Variants in CTNNAL1 observed in about 807,000 individuals in gnomAD.
CTNNAL1 encodes catenin alpha like 1, also known as alpha-catulin.
Under a neutral mutation model 93.6 loss-of-function variants are expected in CTNNAL1, and 69 were observed. The observed-to-expected ratio is 0.74, with a 90% CI of 0.61 to 0.90. The LOEUF (loss-of-function observed/expected upper bound fraction) is 0.90. Ranked by LOEUF, CTNNAL1 falls within the 40% of genes least tolerant of loss-of-function variation. The pLI, the probability that CTNNAL1 is intolerant of heterozygous loss-of-function variation, is 0.00. For missense variants in CTNNAL1, 836 were observed against 862.0 expected (o/e 0.97, Z 0.38); for synonymous variants, 286 against 305.4 (o/e 0.94, Z 0.66).
intron 14 of CTNNAL1, among the ~76,000 whole-genome samples, chr9:108,951,237 G>A (rs756300521): frequency 2.0e-5 from 3 of 148,810 alleles, no homozygotes; most frequent in Non-Finnish European, 4.4e-5. Flanking sequence ...GGATGGTCTC[G>A]ATCTCCTGAC....
intron 2 of CTNNAL1, 90 bp from the exon 3 acceptor site, chr9:108,992,909 G>A: frequency 7.3e-7 from 1 of 1,361,170 alleles, no homozygotes; most frequent in Non-Finnish European, 9.8e-7. Flanking sequence ...GCACAATGAG[G>A]AGAAACTCAG....
intron 6 of CTNNAL1, among the ~76,000 whole-genome samples, chr9:108,982,486 TCA>T (rs1342265689): frequency 6.6e-6 from 1 of 152,152 alleles, no homozygotes; most frequent in Non-Finnish European, 1.5e-5. Flanking sequence ...GATTTGCTGC[TCA>T]CCATCATCCT....
In CTNNAL1 at chr9:108,965,520, A is replaced by C. The variant is rs1365671243; in HGVS notation, c.1449T>G (p.Ser483=). 5 of 1,558,140 alleles carry C rather than the reference A, an allele frequency of 3.2e-6. No individual in the cohort carries two copies. The African/African-American group carries it at 6.9e-5, about 21-fold the overall frequency. The change falls in exon 11 of 19, where the codon TCT becomes TCG. Residue 483 remains serine, a synonymous_variant. Transcript: ENST00000325551. ...GATGCAATGTCAATGTTTCAGCAGC[A>C]GAAATTATCTAAAGAAACACAATAT... ...TFQVTGQQII[S]AAETLTLHPS...
chr9:109,009,987 T>A (rs1383875400), intron 1 of CTNNAL1, among the ~76,000 whole-genome samples: 1 of 152,166 alleles, frequency 6.6e-6, no homozygotes, highest in Admixed American at 6.5e-5. Context: ...GCTGTTACTG[T>A]TAATATAACT....
At chr9:108,989,555 C>A (rs1831722353) in intron 4 of CTNNAL1, among the ~76,000 whole-genome samples, 1 of 152,118 alleles carries the variant, frequency 6.6e-6, no homozygotes, top group Middle Eastern at 3.2e-3. Flanking sequence ...AAGTTCATAT[C>A]AAAAACTGAG....
intron 11 of CTNNAL1, among the ~76,000 whole-genome samples, chr9:108,958,283 G>A (rs974296767): frequency 6.6e-6 from 1 of 151,886 alleles, no homozygotes; most frequent in Non-Finnish European, 1.5e-5. Flanking sequence ...CAACTGTTTC[G>A]GTATCTCTTA....
intron 3 of CTNNAL1, 120 bp from the exon 4 acceptor site, chr9:108,990,965 G>A (rs1587978796): frequency 6.1e-6 from 7 of 1,152,996 alleles, no homozygotes; most frequent in African/African-American, 3.1e-5. Context: ...TGAGGAGGAG[G>A]AGCCAGATAG....
chr9:108,977,457 T>G (rs909431381), intron 7 of CTNNAL1: 2 of 152,578 alleles, frequency 1.3e-5, no homozygotes, highest in African/African-American at 4.8e-5. Flanking sequence ...ATAAATGTCT[T>G]TTTCTCAGAA....
At chr9:108,988,325 C>G (rs1430933538) in intron 4 of CTNNAL1, among the ~76,000 whole-genome samples, 1 of 152,034 alleles carries the variant, frequency 6.6e-6, no homozygotes, top group Non-Finnish European at 1.5e-5. Flanking sequence ...CTCAGGTGAT[C>G]CACCCACCTC....
chr9:108,999,088 A>C lies in CTNNAL1; in HGVS notation c.310T>G (p.Cys104Gly). 2 of 1,609,714 alleles carry C rather than the reference A, an allele frequency of 1.2e-6. No individual in the cohort carries two copies. The highest frequency in any genetic ancestry group is 1.7e-6 in the Non-Finnish European group (2 of 1,178,508). Residue 104 changes from cysteine (C) to glycine (G), a missense_variant, in exon 2 of 19, where the codon TGT (cysteine) becomes GGT (glycine). Cys to Gly is a radical substitution (Grantham distance 159). Transcript: ENST00000325551. Reference protein sequence around the residue: ...WDLKEEINIACIEAKQAGETI... With the variant: ...WDLKEEINIAGIEAKQAGETI... The stretch of plus-strand genomic sequence containing the variant: ...CTACCTGCTTGTTTAGCTTCAATAC[A>C]AGCAATATTTATTTCTTCTTTCAAA...
intron 1 of CTNNAL1, among the ~76,000 whole-genome samples, chr9:109,007,450 T>G (rs1029982006): frequency 5.3e-5 from 8 of 152,062 alleles, no homozygotes; most frequent in Non-Finnish European, 2.9e-5. Context: ...AGGAAATCTA[T>G]CATAGACAGG....
chr9:108,951,636 A>C (rs537623364), intron 14 of CTNNAL1, among the ~76,000 whole-genome samples: 1 of 152,348 alleles, frequency 6.6e-6, no homozygotes, highest in South Asian at 2.1e-4. Context: ...TGTATAAATT[A>C]CTAAAATGGA....
chr9:108,948,552 A>T (rs1426069274), intron 14 of CTNNAL1, among the ~76,000 whole-genome samples: 1 of 152,192 alleles, frequency 6.6e-6, no homozygotes, highest in African/African-American at 2.4e-5. Context: ...GAGATTTGAT[A>T]ATGTCTTGAC....
At chr9:108,998,402 T>A (rs77367066) in intron 2 of CTNNAL1, among the ~76,000 whole-genome samples, 3 of 151,306 alleles carry the variant, frequency 2.0e-5, no homozygotes, top group South Asian at 2.1e-4. Context: ...TTTTTTTTTT[T>A]ACATGGTAAC....
chr9:108,972,864 G>GGGGGGCCAA, intron 8 of CTNNAL1, 31 bp from the exon 9 acceptor site: 1 of 142,590 alleles, frequency 7.0e-6, no homozygotes, highest in Non-Finnish European at 1.0e-5. Context: ...GGGGGGGTGG[G>GGGGGGCCAA]AGGGTGGAGA....
intron 15 of CTNNAL1, among the ~76,000 whole-genome samples, chr9:108,946,274 G>A (rs1484114508): frequency 7.0e-6 from 1 of 142,800 alleles, no homozygotes; most frequent in South Asian, 2.2e-4. Context: ...ACTCCAGCCT[G>A]ACAACAGAGC....
intron 4 of CTNNAL1, 54 bp downstream of exon 4, chr9:108,990,672 C>G (rs1459279217): frequency 1.7e-5 from 26 of 1,562,416 alleles, no homozygotes; most frequent in Non-Finnish European, 2.2e-5. Context: ...TACCTCCATC[C>G]AAACTAAAAA....
intron 7 of CTNNAL1, chr9:108,977,469 G>A (rs1831298581): frequency 6.6e-6 from 1 of 152,348 alleles, no homozygotes; most frequent in Non-Finnish European, 1.5e-5. Flanking sequence ...TTCTCAGAAA[G>A]GCTTTCTCAG....
chr9:108,976,901 C>T (rs111994580), intron 8 of CTNNAL1, 61 bp downstream of exon 8: 8 of 646,270 alleles, frequency 1.2e-5, no homozygotes, highest in Middle Eastern at 2.9e-4. Context: ...GTATTTCATA[C>T]ACCCATACAA....
Sources: gnomAD v4.1 joint callset for allele counts (sites outside exome capture counted in the v4.1 genomes callset) on GRCh38, gnomAD v4.1.1 for gene constraint, MANE v1.5 for transcripts, NCBI Gene and HGNC (gene_info 2026-07-23, HGNC 2026-07-21) for gene names.